Variants in SZRD1 observed in about 807,000 individuals in gnomAD.
SZRD1 encodes SUZ RNA-binding domain-containing.
A neutral mutation model predicts 17.6 loss-of-function variants in SZRD1; 7 were observed. The ratio of observed to expected loss-of-function variants is 0.40; its 90% CI spans 0.23 to 0.75. The LOEUF (loss-of-function observed/expected upper bound fraction) is 0.75, where lower values mean the gene tolerates loss of function less well. Ranked by LOEUF, SZRD1 falls within the 30% of genes least tolerant of loss-of-function variation. The pLI is 0.38. For missense variants in SZRD1, 178 were observed against 201.8 expected (o/e 0.88, Z 0.71); for synonymous variants, 77 against 77.9 (o/e 0.99, Z 0.06).
At chr1:16,370,587 G>A (rs1019893987) in intron 1 of SZRD1, among the ~76,000 whole-genome samples, 3 of 149,572 alleles carry the variant, frequency 2.0e-5, no homozygotes, top group Non-Finnish European at 4.4e-5. Flanking sequence ...GGGCCTCCCA[G>A]TAGATTATAG....
intron 1 of SZRD1, among the ~76,000 whole-genome samples, chr1:16,371,329 T>G (rs1207119856): frequency 6.6e-6 from 1 of 151,664 alleles, no homozygotes; most frequent in Non-Finnish European, 1.5e-5. Context: ...GTGCTGGGAT[T>G]ACAGGCATGA....
At chr1:16,380,310 T>C (rs2083078014) in intron 1 of SZRD1, among the ~76,000 whole-genome samples, 1 of 150,836 alleles carries the variant, frequency 6.6e-6, no homozygotes, top group South Asian at 2.1e-4. Context: ...CGCTCGTCTC[T>C]TTATTTATTT....
intron 1 of SZRD1, among the ~76,000 whole-genome samples, chr1:16,390,892 AAC>A (rs1175438229): frequency 6.6e-6 from 1 of 152,108 alleles, no homozygotes; most frequent in Non-Finnish European, 1.5e-5. Context: ...GTGATAGCAA[AAC>A]AGAGACAGAA....
intron 1 of SZRD1, among the ~76,000 whole-genome samples, chr1:16,372,344 G>C (rs1419836570): frequency 2.0e-5 from 3 of 152,042 alleles, no homozygotes; most frequent in Non-Finnish European, 4.4e-5. Context: ...ATGGTGGCAG[G>C]TGCCTGTAAT....
chr1:16,382,493 GT>G (rs577765747), intron 1 of SZRD1, among the ~76,000 whole-genome samples: 12 of 133,712 alleles, frequency 9.0e-5, no homozygotes, highest in South Asian at 2.4e-4. Flanking sequence ...TGGCCACATG[GT>G]TTTTTTTTTT....
chr1:16,371,835 C>G (rs2082920491), intron 1 of SZRD1, among the ~76,000 whole-genome samples: 1 of 152,182 alleles, frequency 6.6e-6, no homozygotes, highest in Non-Finnish European at 1.5e-5. Flanking sequence ...CTCACTGCAG[C>G]CTCAGCCTCC....
At chr1:16,383,606 C>T (rs1462358293) in intron 1 of SZRD1, among the ~76,000 whole-genome samples, 4 of 147,076 alleles carry the variant, frequency 2.7e-5, no homozygotes, top group Non-Finnish European at 1.5e-5. Flanking sequence ...TTTTTCTTTT[C>T]TTTCTTTCTT....
intron 1 of SZRD1, among the ~76,000 whole-genome samples, chr1:16,372,753 C>T (rs1294070419): frequency 6.6e-6 from 1 of 152,170 alleles, no homozygotes; most frequent in Non-Finnish European, 1.5e-5. Flanking sequence ...GTTATCCAAA[C>T]ATTGCCCCAT....
At chr1:16,388,881 C>T (rs2085172776) in intron 1 of SZRD1, among the ~76,000 whole-genome samples, 1 of 151,546 alleles carries the variant, frequency 6.6e-6, no homozygotes, top group African/African-American at 2.4e-5. Context: ...CTCCTGACCC[C>T]AAGTGATCCG....
intron 1 of SZRD1, among the ~76,000 whole-genome samples, chr1:16,368,187 C>T (rs2082855648): frequency 1.3e-5 from 2 of 152,124 alleles, no homozygotes; most frequent in Non-Finnish European, 2.9e-5. Flanking sequence ...CAGAGTTTGT[C>T]TGTGGTGACC....
chr1:16,374,061 A>G (rs1401764248), intron 1 of SZRD1, among the ~76,000 whole-genome samples: 2 of 152,212 alleles, frequency 1.3e-5, no homozygotes, highest in East Asian at 3.8e-4. Context: ...AAAACAACAA[A>G]AAAAGGCTAT....
At chr1:16,392,414 C>T (rs1443718116) in intron 2 of SZRD1, among the ~76,000 whole-genome samples, 1 of 152,150 alleles carries the variant, frequency 6.6e-6, no homozygotes, top group Admixed American at 6.5e-5. Flanking sequence ...TGTTTCTTTC[C>T]CTTCCTGTGT....
intron 1 of SZRD1, among the ~76,000 whole-genome samples, chr1:16,379,962 A>T (rs1156368495): frequency 6.6e-6 from 1 of 151,982 alleles, no homozygotes; most frequent in Non-Finnish European, 1.5e-5. Context: ...GGGCTTCACC[A>T]TGTTGGCCAG....
intron 1 of SZRD1, among the ~76,000 whole-genome samples, chr1:16,385,989 T>C (rs924417411): frequency 1.3e-5 from 2 of 152,236 alleles, no homozygotes; most frequent in African/African-American, 2.4e-5. Context: ...TTGCTTGTTC[T>C]CTGAGACCGA....
intron 1 of SZRD1, 68 bp downstream of exon 1, chr1:16,367,376 C>G: frequency 6.9e-7 from 1 of 1,445,288 alleles, no homozygotes; most frequent in Non-Finnish European, 9.5e-7. Flanking sequence ...CTCCGGGGAG[C>G]GGGTCTGGAG....
intron 1 of SZRD1, among the ~76,000 whole-genome samples, chr1:16,381,511 C>T (rs1427785001): frequency 2.7e-5 from 4 of 146,574 alleles, no homozygotes; most frequent in Non-Finnish European, 5.9e-5. Flanking sequence ...GAGCTGAGAT[C>T]GTGCCATTGC....
intron 1 of SZRD1, among the ~76,000 whole-genome samples, chr1:16,382,661 AT>A (rs2083124998): frequency 6.7e-6 from 1 of 149,766 alleles, no homozygotes; most frequent in Non-Finnish European, 1.5e-5. Flanking sequence ...CACCTGGCTA[AT>A]TTTTGCACTT....
chr1:16,380,651 A>G (rs1206905355), intron 1 of SZRD1, among the ~76,000 whole-genome samples: 1 of 152,136 alleles, frequency 6.6e-6, no homozygotes, highest in Non-Finnish European at 1.5e-5. Flanking sequence ...TATTTTCCGT[A>G]GAGACGGGGT....
At chr1:16,375,164 C>T (rs904078507) in intron 1 of SZRD1, among the ~76,000 whole-genome samples, 3 of 152,140 alleles carry the variant, frequency 2.0e-5, no homozygotes, top group Admixed American at 2.0e-4. Context: ...GCGTGAGCCA[C>T]CACGCCTGGC....
Sources: allele counts gnomAD v4.1 joint callset (sites outside exome capture counted in the v4.1 genomes callset), GRCh38; gene constraint gnomAD v4.1.1; transcripts MANE v1.5; gene names NCBI Gene and HGNC (gene_info 2026-07-23, HGNC 2026-07-21).